F5: variants seen among roughly 807,000 people sequenced by gnomAD.
F5 encodes activated protein c cofactor.
F5 carries 138 observed loss-of-function variants against 216.4 expected under a neutral mutation model. That is an observed-to-expected ratio of 0.64 (90% CI 0.56 to 0.73). The LOEUF is 0.73. Among genes scored for constraint, F5 ranks in the 30% least tolerant of loss-of-function variants. The pLI is 0.00. For synonymous variants in F5, 916 were observed against 930.7 expected, an observed-to-expected ratio of 0.98 and a Z score of 0.29; for missense variants, 2,403 against 2,674.0, an observed-to-expected ratio of 0.90 and a Z score of 2.24.
chr1:169,515,097 T>C (rs1659127598), intron 24 of F5, among the ~76,000 whole-genome samples: 1 of 152,192 alleles, frequency 6.6e-6, no homozygotes, highest in African/African-American at 2.4e-5. Flanking sequence ...TTAATTTATT[T>C]ATTCTTGTTG....
In F5 at chr1:169,541,306, G is replaced by A. The variant is rs757445087; in HGVS notation, c.3784C>T (p.Leu1262Phe). 70 of 1,574,928 alleles carry A rather than the reference G, an allele frequency of 4.4e-5. No homozygotes were observed. The highest frequency in any genetic ancestry group is 1.7e-4 in the Middle Eastern group (1 of 5,872). ...DLSQTNLSPELSQTNLSPALG... is the reference protein window; with the variant it reads ...DLSQTNLSPEFSQTNLSPALG... ...GCTGGAGAAAGGTTTGTCTGACTGA[G>A]TTCTGGAGAGAGGTTTGTCTGGCTG... The change falls in exon 13 of 25, where the codon CTC becomes TTC. Residue 1262 changes from leucine (L) to phenylalanine (F), a missense_variant. Around this residue, in one of 4 missense-constraint regions of F5, gnomAD observed 1,425 missense variants for 1,554.8 expected, o/e 0.92. Transcript: ENST00000367797.
chr1:169,524,931 G>T, intron 18 of F5, 23 bp from the exon 19 acceptor site: 1 of 1,579,934 alleles, frequency 6.3e-7, no homozygotes, highest in Non-Finnish European at 8.7e-7. Flanking sequence ...GAAAAAAAAT[G>T]AATAATTTTT....
At chr1:169,582,327 C>A (rs113027984) in intron 2 of F5, 104 bp downstream of exon 2, 3 of 624,776 alleles carry the variant, frequency 4.8e-6, no homozygotes, top group African/African-American at 3.7e-5. Context: ...AAAAACCACA[C>A]GTTTCTATAA....
rs201142225 is a variant in F5, at chr1:169,518,516, G to C, written c.6241C>G (p.Gln2081Glu). ...TTCTTAAACGAAGAAGCTGTGATTT[G>C]CTTGTTTTCTATCTTTCCATTTTCC... ...GMENGKIENK[Q>E]ITASSFKKSW... The change falls in exon 23 of 25, where the codon CAA (glutamine) becomes GAA (glutamate). Residue 2081 changes from glutamine (Q) to glutamate (E), a missense_variant. Physicochemically the swap from Gln to Glu is conservative, Grantham distance 29. Transcript: ENST00000367797. The C allele has an allele frequency of 9.3e-6, 15 of 1,613,752 alleles. No homozygotes were observed. The highest frequency in any genetic ancestry group is 1.3e-5 in the Non-Finnish European group (15 of 1,179,886).
chr1:169,574,909 G>A (rs1660808929), intron 2 of F5, among the ~76,000 whole-genome samples: 1 of 152,126 alleles, frequency 6.6e-6, no homozygotes, highest in African/African-American at 2.4e-5. Flanking sequence ...TTGCAATGGT[G>A]CGTAAAAGAG....
rs149461791 is a variant in F5, at chr1:169,521,432, G to A, written c.6049-768C>T. 2.7e-3 allele frequency among the ~76,000 whole-genome samples: 415 copies of A among 152,216 alleles called. 1 individual carries two copies. The highest frequency in any genetic ancestry group is 0.018 in the South Asian group (86 of 4,820). ...ATCCCTTCTTAGGTGGCAATGGAGT[G>A]GGGAACCTGGACTTTGACCCCCACT... is the stretch of plus-strand genomic sequence containing the variant. On this transcript the variant is annotated intron_variant, in intron 21 of 24. Coordinates refer to ENST00000367797, the MANE Select transcript of F5 (RefSeq NM_000130.5).
intron 10 of F5, among the ~76,000 whole-genome samples, chr1:169,548,589 C>T (rs773796276): frequency 2.6e-5 from 4 of 152,038 alleles, no homozygotes; most frequent in Non-Finnish European, 5.9e-5. Flanking sequence ...CCAAAAGAGC[C>T]GGGCACAGTG....
At chr1:169,523,151 G>A (rs771859750) in intron 21 of F5, 46 bp downstream of exon 21, 1 of 1,598,336 alleles carries the variant, frequency 6.3e-7, no homozygotes, top group African/African-American at 1.3e-5. Flanking sequence ...ATAATTCTAG[G>A]CCAAGTCTAG....
In F5 at chr1:169,542,496, T is replaced by C. The variant is rs4525; in HGVS notation, c.2594A>G (p.His865Arg). ...ATCTCTTTCTACCTTGGGTCCCTTA[T>C]GCTTAGCATGTTCTTGACTTTTGAA... ...GEFKSQEHAK[H>R]KGPKVERDQA... Residue 865 changes from histidine to arginine, a missense_variant, in exon 13 of 25, where the codon CAT (histidine) becomes CGT (arginine). His to Arg is a conservative substitution (Grantham distance 29). Transcript: ENST00000367797. 434,661 of 1,613,802 alleles carry C rather than the reference T, an allele frequency of 0.27. 60,144 individuals carry two copies. Among genetic ancestry groups the C allele is most frequent in the Admixed American group, 0.39 (23,490 of 59,982 alleles).
chr1:169,586,087 TTC>T (rs1661096120), intron 1 of F5, 140 bp downstream of exon 1: 3 of 907,584 alleles, frequency 3.3e-6, no homozygotes, highest in Non-Finnish European at 5.0e-6. Context: ...GTTTATTTAA[TTC>T]AGTATACTCT....
At chr1:169,564,660 A>G (rs142224328) in intron 3 of F5, among the ~76,000 whole-genome samples, 221 of 152,102 alleles carry the variant, frequency 1.5e-3, no homozygotes, top group African/African-American at 4.9e-3. Context: ...CATATAAAAT[A>G]TTTTTTTACA....
intron 4 of F5, 90 bp from the exon 5 acceptor site, chr1:169,559,386 T>G: frequency 7.9e-7 from 1 of 1,272,104 alleles, no homozygotes; most frequent in Non-Finnish European, 1.1e-6. Flanking sequence ...GGGCAAGCAA[T>G]CAACCATAAT....
intron 3 of F5, among the ~76,000 whole-genome samples, chr1:169,564,965 T>C (rs2101835611): frequency 6.6e-6 from 1 of 152,198 alleles, no homozygotes; most frequent in East Asian, 1.9e-4. Context: ...AGTCCATGTA[T>C]GATTTACCTC....
At position 169,550,433 on chromosome 1, in the gene F5, T is replaced by C. The variant is rs59548259; in HGVS notation, c.1396+207A>G. On this transcript the variant is annotated intron_variant, in intron 9 of 24. Transcript: ENST00000367797. The stretch of plus-strand genomic sequence containing the variant: ...GATAATGCTCCACTAGAGGCCACTA[T>C]GACACTAATAAAAGACACCATATTT... Among the ~76,000 whole-genome samples, 13,613 of 152,020 alleles carry C rather than the reference T, an allele frequency of 0.09. 658 individuals are homozygous for C. The highest frequency in any genetic ancestry group is 0.11 in the African/African-American group (4,457 of 41,444).
At chr1:169,519,514 T>C (rs1659234353) in intron 22 of F5, among the ~76,000 whole-genome samples, 1 of 152,186 alleles carries the variant, frequency 6.6e-6, no homozygotes, top group Non-Finnish European at 1.5e-5. Flanking sequence ...GGAGATGTTT[T>C]AGACTACTGC....
intron 5 of F5, among the ~76,000 whole-genome samples, chr1:169,557,169 C>T: frequency 6.6e-6 from 1 of 152,188 alleles, no homozygotes; most frequent in Non-Finnish European, 1.5e-5. Context: ...AAGAAGGGAA[C>T]CAAGAAGGTA....
chr1:169,515,182 A>G (rs535894650), intron 24 of F5, among the ~76,000 whole-genome samples: 1 of 152,076 alleles, frequency 6.6e-6, no homozygotes, highest in East Asian at 1.9e-4. Flanking sequence ...CAAGGTTTAC[A>G]CACACCAGAA....
intron 8 of F5, 45 bp downstream of exon 8, chr1:169,552,512 T>G (rs762122426): frequency 1.3e-6 from 2 of 1,515,042 alleles, no homozygotes. Flanking sequence ...TCCATAATAT[T>G]TTACTATGTA....
At chr1:169,526,564 T>C (rs1571563227) in intron 17 of F5, among the ~76,000 whole-genome samples, 2 of 152,290 alleles carry the variant, frequency 1.3e-5, no homozygotes, top group East Asian at 1.9e-4. Context: ...TATTTAACAT[T>C]ACCCCCTGGC....
Sources: allele counts gnomAD v4.1 joint callset (sites outside exome capture counted in the v4.1 genomes callset), GRCh38; gene constraint gnomAD v4.1.1; regional missense constraint gnomAD v4.1.1; transcripts MANE v1.5; gene names NCBI Gene and HGNC (gene_info 2026-07-23, HGNC 2026-07-21).